The following LDLRAD4 variants were observed in gnomAD, a reference collection of about 807,000 sequenced individuals.
LDLRAD4 encodes low-density lipoprotein receptor class A domain-containing protein 4.
A neutral mutation model predicts 17.0 loss-of-function variants in LDLRAD4; 5 were observed. The ratio of observed to expected loss-of-function variants is 0.29; its 90% CI spans 0.15 to 0.62. The LOEUF is 0.62. Among genes scored for constraint, LDLRAD4 ranks in the 20% least tolerant of loss-of-function variants. LDLRAD4 has a pLI of 0.84. For synonymous variants in LDLRAD4, 168 were observed against 171.8 expected (o/e 0.98, Z 0.17); for missense variants, 340 against 424.7 (o/e 0.80, Z 1.75).
intron 1 of LDLRAD4, among the ~76,000 whole-genome samples, chr18:13,270,785 T>A (rs2044490194): frequency 6.6e-6 from 1 of 152,154 alleles, no homozygotes; most frequent in Non-Finnish European, 1.5e-5. Context: ...AAAGAAGTGA[T>A]CTCTGACAGA....
In LDLRAD4 at chr18:13,231,765, G is replaced by A. The variant is rs544290973; in HGVS notation, c.-467+12777G>A. On this transcript the variant is annotated intron_variant, in intron 1 of 5. Transcript: ENST00000399848. ...GACAACATCTAATTTCATGTTCCTT[G>A]GCTTTAAGGAACAAATAATCAATGA... 1.6e-4 allele frequency among the ~76,000 whole-genome samples: 25 copies of A among 152,282 alleles called. No homozygotes were observed. In the South Asian group the frequency reaches 5.2e-3, roughly 32 times the overall value.
chr18:13,465,484 A>T (rs977311915), intron 3 of LDLRAD4, among the ~76,000 whole-genome samples: 1 of 152,170 alleles, frequency 6.6e-6, no homozygotes, highest in Non-Finnish European at 1.5e-5. Context: ...AGTAAAGGGG[A>T]GATGGGCATA....
rs2084161874 is a variant in LDLRAD4 at position 13,367,714 on chromosome 18, T to A, written c.-382-19627T>A. Among the ~76,000 whole-genome samples the A allele has an allele frequency of 6.6e-6, 1 of 151,460 alleles. No individual in the cohort carries two copies. Among genetic ancestry groups the A allele is most frequent in the Non-Finnish European group, 1.5e-5 (1 of 67,850 alleles). On this transcript the variant is annotated intron_variant, in intron 1 of 5. Coordinates refer to ENST00000359446, the Ensembl canonical transcript of LDLRAD4. This position sits in a 1 kb window ranked among gnomAD's most constrained non-coding sequence, Gnocchi z 4.1. ...CGGGGGCACACGTTGTCAAGGGATA[T>A]ACCGAGAGGAGACAGCCGAGCCCGG... is the stretch of plus-strand genomic sequence containing the variant.
chr18:13,234,355 C>T (rs9952186), intron 1 of LDLRAD4, among the ~76,000 whole-genome samples: 67,733 of 152,130 alleles, frequency 0.45, 15,489 homozygotes, highest in African/African-American at 0.54. Flanking sequence ...GAGGCCTTCC[C>T]TGGCCCATGT....
At chr18:13,246,501 A>C (rs561476800) in intron 1 of LDLRAD4, among the ~76,000 whole-genome samples, 1 of 152,386 alleles carries the variant, frequency 6.6e-6, no homozygotes, top group African/African-American at 2.4e-5. Flanking sequence ...GATTTATGGC[A>C]TGCTGGCCCT....
chr18:13,541,551 A>G (rs2094283264), intron 3 of LDLRAD4, among the ~76,000 whole-genome samples: 1 of 152,232 alleles, frequency 6.6e-6, no homozygotes, highest in African/African-American at 2.4e-5. Flanking sequence ...TGTGGAGACT[A>G]GAACTGGTCT....
Position 13,644,968 on chromosome 18 carries a change from T to C in LDLRAD4, c.391-159T>C, listed in dbSNP as rs2042937755. On this transcript the variant is annotated intron_variant, in intron 5 of 5. Coordinates refer to ENST00000359446, the Ensembl canonical transcript of LDLRAD4. ...AGGAATCAGAAAAGTACACTTTTTT[T>C]TCTGGAATTGGATTTTCCTGTTTTC... The C allele has an allele frequency of 4.6e-6, 3 of 654,848 alleles. No homozygotes were observed. The Admixed American group carries it at 9.1e-5, about 20-fold the overall frequency. The allele number at this position is 654,848 out of a possible 1,614,324, so 40.6% of individuals were successfully genotyped here. A position where few individuals can be genotyped will look rare whatever the true frequency, so the allele number is the denominator to read the frequency against.
At chr18:13,233,415 G>T (rs2042179690) in intron 1 of LDLRAD4, among the ~76,000 whole-genome samples, 1 of 152,190 alleles carries the variant, frequency 6.6e-6, no homozygotes, top group African/African-American at 2.4e-5. Context: ...GCTGTGTTTG[G>T]AAGTGGGCCA....
At chr18:13,626,910 T>G (rs2148861194) in intron 4 of LDLRAD4, among the ~76,000 whole-genome samples, 1 of 152,368 alleles carries the variant, frequency 6.6e-6, no homozygotes, top group South Asian at 2.1e-4. Context: ...GCCACAGAGT[T>G]AGCCTAGAGC....
chr18:13,619,105 G>A (rs968942389), intron 3 of LDLRAD4, among the ~76,000 whole-genome samples: 2 of 152,206 alleles, frequency 1.3e-5, no homozygotes, highest in Admixed American at 1.3e-4. Context: ...CAGCCTGGGG[G>A]TGCTGAGTCG....
intron 1 of LDLRAD4, among the ~76,000 whole-genome samples, chr18:13,350,320 A>G (rs1392465589): frequency 6.6e-6 from 1 of 152,136 alleles, no homozygotes; most frequent in Non-Finnish European, 1.5e-5. Flanking sequence ...AATAATTCCC[A>G]TTCTGACTTG....
chr18:13,422,628 T>C (rs980332722), intron 2 of LDLRAD4, among the ~76,000 whole-genome samples: 21 of 151,892 alleles, frequency 1.4e-4, no homozygotes, highest in African/African-American at 5.1e-4. Context: ...AGCCCAGGTG[T>C]TGGAGGCTGC....
chr18:13,339,214 T>A lies in LDLRAD4; in HGVS notation c.-382-48127T>A, dbSNP rs545429398. Reference sequence around the variant, plus strand: ...GTTATCCTTCTGTAGTATCACTACTTTTTTTTTTTTTTTTAAGACTGAGTC... The same window carrying A: ...GTTATCCTTCTGTAGTATCACTACTATTTTTTTTTTTTTTAAGACTGAGTC... On this transcript the variant is annotated intron_variant, in intron 1 of 5. Coordinates refer to ENST00000359446, the Ensembl canonical transcript of LDLRAD4. Among the ~76,000 whole-genome samples, 39 of 65,158 alleles carry A rather than the reference T, an allele frequency of 6.0e-4. No individual in the cohort carries two copies. The Admixed American group carries it at 6.5e-3, about 11-fold the overall frequency. 42.7% of individuals were successfully genotyped at this position (65,158 alleles called of 152,430 possible).
At chr18:13,254,109 A>G (rs1184056635) in intron 1 of LDLRAD4, among the ~76,000 whole-genome samples, 6 of 152,210 alleles carry the variant, frequency 3.9e-5, no homozygotes, top group Admixed American at 2.6e-4. Context: ...GATTCCACTG[A>G]GGGGAAGCCC....
chr18:13,256,664 A>G (rs547744461), intron 1 of LDLRAD4, among the ~76,000 whole-genome samples: 1 of 152,348 alleles, frequency 6.6e-6, no homozygotes, highest in South Asian at 2.1e-4. Context: ...CCCCACTAGC[A>G]TCCAGCAATC....
At chr18:13,553,444 G>A (rs147543367) in intron 3 of LDLRAD4, among the ~76,000 whole-genome samples, 312 of 152,220 alleles carry the variant, frequency 2.0e-3, no homozygotes, top group African/African-American at 6.7e-3. Flanking sequence ...TCTGTAAACC[G>A]CCTCTTAACA....
chr18:13,628,957 C>T (rs1601809219), intron 4 of LDLRAD4, among the ~76,000 whole-genome samples: 1 of 152,134 alleles, frequency 6.6e-6, no homozygotes, highest in Admixed American at 6.5e-5. Flanking sequence ...CAGCCTCCTG[C>T]GTAGCTGTGA....
At chr18:13,239,192 A>AAAAAG (rs1567920506) in intron 1 of LDLRAD4, among the ~76,000 whole-genome samples, 2 of 151,552 alleles carry the variant, frequency 1.3e-5, no homozygotes, top group African/African-American at 2.4e-5. Context: ...GTCTCAAAAA[A>AAAAAG]AAAAAAAAAA....
intron 3 of LDLRAD4, among the ~76,000 whole-genome samples, chr18:13,592,408 T>A (rs1363095380): frequency 6.6e-6 from 1 of 152,236 alleles, no homozygotes; most frequent in Non-Finnish European, 1.5e-5. Flanking sequence ...CCTAATAGAT[T>A]GCAACCCATG....
Sources: allele counts gnomAD v4.1 joint callset (sites outside exome capture counted in the v4.1 genomes callset), GRCh38; gene constraint gnomAD v4.1.1; non-coding constraint Gnocchi (gnomAD v3.1); transcripts MANE v1.5; gene names NCBI Gene and HGNC (gene_info 2026-07-23, HGNC 2026-07-21).